ARIH1: variants seen among roughly 807,000 people sequenced by gnomAD.
ARIH1 encodes the protein ariadne RBR E3 ubiquitin protein ligase 1.
Under a neutral mutation model 85.0 loss-of-function variants are expected in ARIH1, and 8 were observed. The ratio of observed to expected loss-of-function variants is 0.09; its 90% CI spans 0.06 to 0.17. The LOEUF (loss-of-function observed/expected upper bound fraction) is 0.17. Among genes scored for constraint, ARIH1 ranks in the 10% least tolerant of loss-of-function variants. ARIH1 has a pLI of 1.00. For missense variants in ARIH1, 311 were observed against 718.1 expected (o/e 0.43, Z 6.48); for synonymous variants, 238 against 253.6 (o/e 0.94, Z 0.59).
At chr15:72,508,182 T>C (rs944388158) in intron 1 of ARIH1, among the ~76,000 whole-genome samples, 3 of 152,250 alleles carry the variant, frequency 2.0e-5, no homozygotes, top group Admixed American at 1.3e-4. Context: ...TTTAGAGTTA[T>C]AACTAGACAA....
intron 3 of ARIH1, among the ~76,000 whole-genome samples, chr15:72,550,170 T>C (rs1467076878): frequency 1.3e-5 from 2 of 152,252 alleles, no homozygotes; most frequent in South Asian, 2.1e-4. Context: ...AATCTTGTTA[T>C]CTGATTAGAG....
At chr15:72,547,295 C>T (rs573756337) in intron 3 of ARIH1, among the ~76,000 whole-genome samples, 43 of 151,662 alleles carry the variant, frequency 2.8e-4, no homozygotes, top group Admixed American at 5.9e-4. Context: ...TGCAATGGCA[C>T]AGTCTTGGCT....
rs767578452 is a variant in ARIH1, at chr15:72,591,739, C to T, written c.*8447C>T. 2 of 152,186 alleles carry T rather than the reference C, an allele frequency of 1.3e-5. No homozygotes were observed. The highest frequency in any genetic ancestry group is 2.9e-5 in the Non-Finnish European group (2 of 68,038). 9.4% of individuals were successfully genotyped at this position (152,186 alleles called of 1,614,324 possible). ...CAAATAGACATTCTCATGGAATGCT[C>T]TAAAATTGTTAAGTTCTTGCACTTG... On this transcript the variant is annotated 3_prime_UTR_variant, in exon 14 of 14. Transcript: ENST00000379887.
At chr15:72,544,626 T>TAC (rs112714302) in intron 2 of ARIH1, among the ~76,000 whole-genome samples, 194 bp from the exon 3 acceptor site, 5,820 of 152,246 alleles carry the variant, frequency 0.038, 329 homozygotes, top group African/African-American at 0.13. Context: ...TATATATATA[T>TAC]GCACATGTAT....
chr15:72,580,733 A>G lies in ARIH1; in HGVS notation c.1218A>G (p.Arg406=). 6.2e-7 allele frequency: 1 copy of G among 1,611,312 alleles called. No individual in the cohort carries two copies. Among genetic ancestry groups the G allele is most frequent in the South Asian group, 1.1e-5 (1 of 90,914 alleles). Residue 406 remains arginine (R), a splice_region_variant and synonymous_variant, in exon 12 of 14, where the codon CGA becomes CGG. Coordinates refer to ENST00000379887, the MANE Select transcript of ARIH1 (RefSeq NM_005744.5). The stretch of plus-strand genomic sequence containing the variant: ...CCCAATTTTTCTTAATGGGACAGCG[A>G]TCTAGGGCAGCCCTGCAGAGGTACC... The part of the protein sequence containing the change: ...DAKAARDAQE[R]SRAALQRYLF...
chr15:72,576,166 A>G (rs900851754), intron 11 of ARIH1, among the ~76,000 whole-genome samples: 2 of 152,030 alleles, frequency 1.3e-5, no homozygotes, highest in African/African-American at 4.8e-5. Flanking sequence ...TGGGGAGAGA[A>G]AGAGGAGGTA....
intron 3 of ARIH1, 89 bp from the exon 4 acceptor site, chr15:72,555,182 T>A: frequency 1.1e-6 from 1 of 920,952 alleles, no homozygotes; most frequent in Non-Finnish European, 1.7e-6. Context: ...ACGTAAGAAA[T>A]GTGACCTTAC....
intron 3 of ARIH1, among the ~76,000 whole-genome samples, chr15:72,548,023 C>G (rs538947731): frequency 5.1e-4 from 78 of 152,300 alleles, no homozygotes; most frequent in African/African-American, 1.7e-3. Context: ...GAAACCTATT[C>G]ATTGAACACA....
intron 11 of ARIH1, among the ~76,000 whole-genome samples, chr15:72,573,223 CAT>C (rs1408710156): frequency 6.6e-6 from 1 of 152,114 alleles, no homozygotes; most frequent in Admixed American, 6.5e-5. Flanking sequence ...CCTAGTCTGT[CAT>C]ATTGCTAGAA....
Position 72,594,709 on chromosome 15 carries a change from T to C in ARIH1, c.*11417T>C, listed in dbSNP as rs1373608660. 6.6e-6 allele frequency: 1 copy of C among 151,856 alleles called. No individual in the cohort carries two copies. The highest frequency in any genetic ancestry group is 1.9e-4 in the East Asian group (1 of 5,176). 9.4% of individuals were successfully genotyped at this position (151,856 alleles called of 1,614,324 possible). A position where few individuals can be genotyped will look rare whatever the true frequency, so the allele number is the denominator to read the frequency against. On this transcript the variant is annotated 3_prime_UTR_variant, in exon 14 of 14. Transcript: ENST00000379887. ...TTGCTAAATTCATTTATTCTAGAAA[T>C]AGTTCTTGTAGACTCCGTAGAGTTT...
At chr15:72,520,071 T>C (rs1351966534) in intron 2 of ARIH1, among the ~76,000 whole-genome samples, 1 of 152,216 alleles carries the variant, frequency 6.6e-6, no homozygotes, top group East Asian at 1.9e-4. Flanking sequence ...TTGTACTTTA[T>C]ATGGGAACTG....
At chr15:72,567,066 A>G (rs1669410568) in intron 8 of ARIH1, 40 bp from the exon 9 acceptor site, 2 of 1,482,746 alleles carry the variant, frequency 1.3e-6, no homozygotes, top group Non-Finnish European at 1.9e-6. Context: ...TATTTTTAAA[A>G]GTCTTTTGTT....
At chr15:72,522,051 T>G (rs2064002592) in intron 2 of ARIH1, among the ~76,000 whole-genome samples, 1 of 152,206 alleles carries the variant, frequency 6.6e-6, no homozygotes, top group Non-Finnish European at 1.5e-5. Context: ...TCTTATTCCT[T>G]TTAATAACTT....
At chr15:72,482,243 C>G (rs1177551230) in intron 1 of ARIH1, among the ~76,000 whole-genome samples, 2 of 151,910 alleles carry the variant, frequency 1.3e-5, no homozygotes, top group Non-Finnish European at 2.9e-5. Context: ...GTTGAGTTTT[C>G]TAATTTATTA....
chr15:72,524,759 A>C (rs1397089314), intron 2 of ARIH1, among the ~76,000 whole-genome samples: 1 of 152,204 alleles, frequency 6.6e-6, no homozygotes, highest in Non-Finnish European at 1.5e-5. Flanking sequence ...TCATTAATTC[A>C]TGTTAGCCAG....
rs1324021987 is a variant in ARIH1, at chr15:72,588,782, G to C, written c.*5490G>C. On this transcript the variant is annotated 3_prime_UTR_variant, in exon 14 of 14. Coordinates refer to ENST00000379887, the MANE Select transcript of ARIH1 (RefSeq NM_005744.5). ...ATCACAAAACTAAAAGTCTTACCAA[G>C]AAGTAGAACTGACAAGCAGCCATGT... The C allele has an allele frequency of 6.6e-6, 1 of 152,168 alleles. No individual in the cohort carries two copies. Among genetic ancestry groups the C allele is most frequent in the Non-Finnish European group, 1.5e-5 (1 of 68,040 alleles). The allele number at this position is 152,168 out of a possible 1,614,324, so 9.4% of individuals were successfully genotyped here.
chr15:72,539,854 A>G (rs957269766), intron 2 of ARIH1, among the ~76,000 whole-genome samples: 2 of 152,234 alleles, frequency 1.3e-5, no homozygotes, highest in Non-Finnish European at 2.9e-5. Context: ...GATTTTGGCC[A>G]AAGTGAGCAG....
chr15:72,488,716 G>A (rs2063847094), intron 1 of ARIH1, among the ~76,000 whole-genome samples: 6 of 152,138 alleles, frequency 3.9e-5, no homozygotes, highest in Admixed American at 3.9e-4. Context: ...CAGTTTCCTT[G>A]TGGTAAACCA....
Position 72,544,975 on chromosome 15 carries a change from G to T in ARIH1, c.588+11G>T, listed in dbSNP as rs761809403. ...AACTACCCTAACTCGGTGAGTATCT[G>T]GTAGTTTAAGGCTAGTGCTGACTTT... On this transcript the variant is annotated intron_variant, in intron 3 of 13. Coordinates refer to ENST00000379887, the MANE Select transcript of ARIH1 (RefSeq NM_005744.5). 5 of 1,556,844 alleles carry T rather than the reference G, an allele frequency of 3.2e-6. No individual in the cohort carries two copies. Among genetic ancestry groups the T allele is most frequent in the Admixed American group, 1.8e-5 (1 of 54,570 alleles).
Sources: allele counts gnomAD v4.1 joint callset (sites outside exome capture counted in the v4.1 genomes callset), GRCh38; gene constraint gnomAD v4.1.1; transcripts MANE v1.5; gene names NCBI Gene and HGNC (gene_info 2026-07-23, HGNC 2026-07-21).